Variants in ZBTB20 observed in about 807,000 individuals in gnomAD.
The protein encoded by ZBTB20 is zinc finger and BTB domain-containing protein 20.
ZBTB20 carries 9 observed loss-of-function variants against 56.9 expected under a neutral mutation model. The ratio of observed to expected loss-of-function variants is 0.16; its 90% CI spans 0.10 to 0.28. ZBTB20 has a LOEUF of 0.28. ZBTB20 is among the 10% of genes least tolerant of loss of function. The probability of loss-of-function intolerance (pLI) is 1.00; values close to 1 mark genes in which losing one functional copy is unlikely to be tolerated. For missense variants in ZBTB20, 655 were observed against 1,003.0 expected (o/e 0.65, Z 4.69); for synonymous variants, 417 against 420.7 (o/e 0.99, Z 0.11).
chr3:114,777,171 T>G (rs1429384993), intron 5 of ZBTB20, among the ~76,000 whole-genome samples: 1 of 152,182 alleles, frequency 6.6e-6, no homozygotes, highest in African/African-American at 2.4e-5. Flanking sequence ...TTTTAAGGTT[T>G]AACCCAAAGA....
At chr3:114,693,954 G>A (rs2062845804) in intron 5 of ZBTB20, among the ~76,000 whole-genome samples, 1 of 152,024 alleles carries the variant, frequency 6.6e-6, no homozygotes, top group South Asian at 2.1e-4. Flanking sequence ...CTCCATTTGA[G>A]CTTTACTGTA....
At chr3:114,587,314 C>T (rs765859299) in intron 6 of ZBTB20, among the ~76,000 whole-genome samples, 8 of 151,934 alleles carry the variant, frequency 5.3e-5, no homozygotes, top group Non-Finnish European at 1.2e-4. Flanking sequence ...AGGTATAACT[C>T]TTAAAGAACA....
chr3:115,067,317 C>T (rs1376148903), intron 2 of ZBTB20, among the ~76,000 whole-genome samples: 1 of 151,904 alleles, frequency 6.6e-6, no homozygotes, highest in African/African-American at 2.4e-5. Context: ...TATTTGCCTA[C>T]TACTTGATGA....
At chr3:114,373,731 C>T (rs2083292656) in intron 10 of ZBTB20, among the ~76,000 whole-genome samples, 2 of 152,098 alleles carry the variant, frequency 1.3e-5, no homozygotes, top group Non-Finnish European at 2.9e-5. Flanking sequence ...TTCCTATCTT[C>T]GTCCCTAATC....
intron 1 of ZBTB20, among the ~76,000 whole-genome samples, chr3:115,134,049 TCTC>T (rs1226010687): frequency 6.6e-6 from 1 of 152,292 alleles, no homozygotes; most frequent in East Asian, 1.9e-4. Context: ...TTTCTAACAA[TCTC>T]CTCATCTTCT....
At chr3:115,096,607 C>A (rs1576768615) in intron 1 of ZBTB20, among the ~76,000 whole-genome samples, 1 of 152,164 alleles carries the variant, frequency 6.6e-6, no homozygotes, top group South Asian at 2.1e-4. Context: ...CAGAAAAGAT[C>A]ACTAGTTAGC....
intron 7 of ZBTB20, among the ~76,000 whole-genome samples, chr3:114,436,960 C>T (rs2090560253): frequency 6.6e-6 from 1 of 152,224 alleles, no homozygotes; most frequent in Non-Finnish European, 1.5e-5. Flanking sequence ...AGCACTTCTT[C>T]TGAGATGCAA....
At chr3:114,837,882 A>C (rs2074196676) in intron 4 of ZBTB20, among the ~76,000 whole-genome samples, 1 of 152,098 alleles carries the variant, frequency 6.6e-6, no homozygotes, top group Admixed American at 6.6e-5. Flanking sequence ...TGTTCAGAAA[A>C]ATTTCGGACT....
chr3:115,141,422 G>A (rs2084807980), intron 1 of ZBTB20, among the ~76,000 whole-genome samples: 1 of 152,148 alleles, frequency 6.6e-6, no homozygotes, highest in East Asian at 1.9e-4. Flanking sequence ...GAATGGGTGG[G>A]TGAAAACAAG....
intron 2 of ZBTB20, among the ~76,000 whole-genome samples, chr3:115,030,743 T>C (rs1223600960): frequency 2.6e-5 from 4 of 151,306 alleles, no homozygotes; most frequent in Non-Finnish European, 5.9e-5. Context: ...TAGAGTATTC[T>C]AGGTATATAT....
intron 7 of ZBTB20, among the ~76,000 whole-genome samples, chr3:114,420,473 A>G (rs1473549305): frequency 3.3e-5 from 5 of 152,126 alleles, no homozygotes; most frequent in Non-Finnish European, 7.4e-5. Context: ...AACGAATAAA[A>G]AGGTGTCTTG....
intron 4 of ZBTB20, among the ~76,000 whole-genome samples, chr3:114,812,227 G>A (rs950369871): frequency 6.6e-6 from 1 of 152,166 alleles, no homozygotes; most frequent in African/African-American, 2.4e-5. Context: ...CCCACATCCT[G>A]CTGATTGGTA....
chr3:114,811,214 C>T (rs2108878210), intron 4 of ZBTB20, among the ~76,000 whole-genome samples: 1 of 152,250 alleles, frequency 6.6e-6, no homozygotes, highest in East Asian at 1.9e-4. Flanking sequence ...TATTTGCCAG[C>T]TTATTTTCTC....
Position 114,338,954 on chromosome 3 carries a change from GT to G in ZBTB20, c.*50del, listed in dbSNP as rs1341308775. 1.4e-6 allele frequency: 2 copies of G among 1,454,006 alleles called. No homozygotes were observed. Among genetic ancestry groups the G allele is most frequent in the Non-Finnish European group, 1.8e-6 (2 of 1,096,838 alleles). 90.1% of individuals were successfully genotyped at this position (1,454,006 alleles called of 1,614,324 possible). The stretch of plus-strand genomic sequence containing the variant: ...AGTGCCATAGCTTTTTTGTTTGTTT[GT>G]TTTTTGTTGTTGTTTTGTTTTGTTC... On this transcript the variant is annotated 3_prime_UTR_variant, in exon 12 of 12. Transcript: ENST00000675478.
intron 4 of ZBTB20, among the ~76,000 whole-genome samples, chr3:114,858,077 T>C (rs1423240216): frequency 3.3e-5 from 5 of 152,230 alleles, no homozygotes; most frequent in Admixed American, 2.0e-4. Context: ...AAAGGCCATG[T>C]TGAATTAGTG....
chr3:114,376,130 T>C (rs1470309494), intron 10 of ZBTB20, among the ~76,000 whole-genome samples: 2 of 152,226 alleles, frequency 1.3e-5, no homozygotes, highest in South Asian at 2.1e-4. Context: ...CGTGTGCACA[T>C]GTAGAGCTAT....
intron 7 of ZBTB20, among the ~76,000 whole-genome samples, chr3:114,414,029 T>C (rs1164043732): frequency 6.6e-6 from 1 of 152,150 alleles, no homozygotes; most frequent in African/African-American, 2.4e-5. Flanking sequence ...AGTAGCTTCT[T>C]GTCATCAAAT....
At chr3:114,731,921 C>T (rs543223763) in intron 5 of ZBTB20, among the ~76,000 whole-genome samples, 14 of 151,514 alleles carry the variant, frequency 9.2e-5, no homozygotes, top group South Asian at 4.2e-4. Context: ...GTTACTAATC[C>T]GGCTGTGCCT....
chr3:115,040,465 G>A (rs560032077), intron 2 of ZBTB20, among the ~76,000 whole-genome samples: 1 of 152,108 alleles, frequency 6.6e-6, no homozygotes, highest in East Asian at 1.9e-4. Flanking sequence ...AAGATTAATA[G>A]GATTTAACTA....
Sources: gnomAD v4.1 joint callset for allele counts (sites outside exome capture counted in the v4.1 genomes callset) on GRCh38, gnomAD v4.1.1 for gene constraint, MANE v1.5 for transcripts, NCBI Gene and HGNC (gene_info 2026-07-23, HGNC 2026-07-21) for gene names.